Variants in MCU observed in about 807,000 individuals in gnomAD.
The protein encoded by MCU is calcium uniporter protein, mitochondrial.
Under a neutral mutation model 45.2 loss-of-function variants are expected in MCU, and 12 were observed. The observed-to-expected ratio is 0.27, with a 90% CI of 0.17 to 0.43. The LOEUF (loss-of-function observed/expected upper bound fraction) is 0.43, where lower values mean the gene tolerates loss of function less well. Among genes scored for constraint, MCU ranks in the 20% least tolerant of loss-of-function variants. MCU has a pLI of 1.00. For synonymous variants in MCU, 160 were observed against 165.1 expected (o/e 0.97, Z 0.24); for missense variants, 324 against 436.7 (o/e 0.74, Z 2.30).
At chr10:72,721,844 T>C (rs778291834) in intron 1 of MCU, among the ~76,000 whole-genome samples, 7 of 152,210 alleles carry the variant, frequency 4.6e-5, no homozygotes, top group East Asian at 1.9e-4. Context: ...ATATTTGCTG[T>C]TGAGACTTAA....
At chr10:72,752,770 G>A (rs568225043) in intron 1 of MCU, among the ~76,000 whole-genome samples, 1 of 152,172 alleles carries the variant, frequency 6.6e-6, no homozygotes. Context: ...AATGGCTGCT[G>A]TGTGACTGTA....
chr10:72,731,742 T>C (rs1205687260), intron 1 of MCU, among the ~76,000 whole-genome samples: 1 of 152,234 alleles, frequency 6.6e-6, no homozygotes, highest in Non-Finnish European at 1.5e-5. Context: ...TTTCTTTCAC[T>C]TTACGTAATG....
chr10:72,794,565 G>A (rs1220185930), intron 1 of MCU, among the ~76,000 whole-genome samples: 1 of 152,164 alleles, frequency 6.6e-6, no homozygotes, highest in African/African-American at 2.4e-5. Flanking sequence ...AAGTCCAAAA[G>A]CCTCCCTTCA....
intron 1 of MCU, among the ~76,000 whole-genome samples, chr10:72,799,062 G>T (rs912769073): frequency 2.6e-5 from 4 of 152,018 alleles, no homozygotes; most frequent in African/African-American, 9.7e-5. Context: ...GAGAAGCTGG[G>T]ACTATAGGCG....
At chr10:72,730,012 G>A (rs1843150724) in intron 1 of MCU, among the ~76,000 whole-genome samples, 2 of 142,720 alleles carry the variant, frequency 1.4e-5, no homozygotes, top group Non-Finnish European at 1.5e-5. Flanking sequence ...AGGCTGGAGT[G>A]CAGTGGCATG....
chr10:72,704,791 T>G (rs763981356), intron 1 of MCU, among the ~76,000 whole-genome samples: 1 of 144,190 alleles, frequency 6.9e-6, no homozygotes, highest in Non-Finnish European at 1.5e-5. Context: ...CTCGACTCAC[T>G]GCAACCTCCA....
At chr10:72,878,903 T>C (rs1249421041) in intron 6 of MCU, among the ~76,000 whole-genome samples, 1 of 152,192 alleles carries the variant, frequency 6.6e-6, no homozygotes, top group East Asian at 1.9e-4. Context: ...TGGCTGAGAA[T>C]TTTCCAAAAT....
At chr10:72,815,066 A>C (rs972584846) in intron 1 of MCU, among the ~76,000 whole-genome samples, 1 of 152,244 alleles carries the variant, frequency 6.6e-6, no homozygotes, top group Non-Finnish European at 1.5e-5. Flanking sequence ...TAAAAATTAT[A>C]GAGAAAATGA....
chr10:72,750,055 G>C (rs1376790492), intron 1 of MCU, among the ~76,000 whole-genome samples: 2 of 151,954 alleles, frequency 1.3e-5, no homozygotes, highest in Admixed American at 1.3e-4. Context: ...GAAGTGCTGG[G>C]ATTACAGGTG....
intron 1 of MCU, among the ~76,000 whole-genome samples, chr10:72,757,595 A>ATT (rs11414771): frequency 6.6e-5 from 10 of 151,568 alleles, no homozygotes; most frequent in Non-Finnish European, 1.3e-4. Context: ...GTTCATAATA[A>ATT]TTTTTTTTTA....
intron 1 of MCU, among the ~76,000 whole-genome samples, chr10:72,734,787 A>AT (rs1843229212): frequency 1.3e-5 from 2 of 152,056 alleles, no homozygotes; most frequent in African/African-American, 4.8e-5. Flanking sequence ...CTATTAAAAA[A>AT]ATTTTTTTTT....
intron 7 of MCU, 121 bp from the exon 8 acceptor site, chr10:72,885,622 TGA>T (rs113767451): frequency 3.9e-5 from 26 of 660,586 alleles, no homozygotes; most frequent in African/African-American, 1.8e-4. Context: ...ACTCTTATTT[TGA>T]GAGTTATTGA....
chr10:72,752,969 G>C (rs2894214), intron 1 of MCU, among the ~76,000 whole-genome samples: 1 of 152,096 alleles, frequency 6.6e-6, no homozygotes, highest in African/African-American at 2.4e-5. Flanking sequence ...CATCATAACA[G>C]TCTGCTGGTT....
chr10:72,768,260 A>C (rs980720742), intron 1 of MCU, among the ~76,000 whole-genome samples: 1 of 152,206 alleles, frequency 6.6e-6, no homozygotes, highest in African/African-American at 2.4e-5. Context: ...CTATGAAGTC[A>C]TTTTGGTATT....
At chr10:72,813,132 G>T (rs989090102) in intron 1 of MCU, among the ~76,000 whole-genome samples, 1 of 152,180 alleles carries the variant, frequency 6.6e-6, no homozygotes, top group Non-Finnish European at 1.5e-5. Context: ...CGTTCAAACA[G>T]ATTCCCCATA....
chr10:72,776,013 T>C (rs1337046457), intron 1 of MCU, among the ~76,000 whole-genome samples: 1 of 151,626 alleles, frequency 6.6e-6, no homozygotes, highest in Non-Finnish European at 1.5e-5. Context: ...AAAACAGTTT[T>C]AAAAAATAGT....
intron 6 of MCU, among the ~76,000 whole-genome samples, chr10:72,879,990 A>G (rs757282419): frequency 1.6e-4 from 25 of 152,108 alleles, no homozygotes; most frequent in Non-Finnish European, 1.2e-4. Context: ...GGAGGTTGCA[A>G]TGAACCGAGA....
intron 6 of MCU, among the ~76,000 whole-genome samples, chr10:72,879,265 AAAAAT>A (rs1845664267): frequency 6.6e-6 from 1 of 152,212 alleles, no homozygotes; most frequent in Admixed American, 6.5e-5. Flanking sequence ...TCTGTATCAA[AAAAAT>A]AAAATAAAAA....
At chr10:72,704,703 AATTT>A (rs1842797146) in intron 1 of MCU, among the ~76,000 whole-genome samples, 1 of 84,602 alleles carries the variant, frequency 1.2e-5, no homozygotes, top group Admixed American at 1.1e-4. Flanking sequence ...ATGCCTGGAT[AATTT>A]TTTTTTTTTT....
Sources: gnomAD v4.1 joint callset for allele counts (sites outside exome capture counted in the v4.1 genomes callset) on GRCh38, gnomAD v4.1.1 for gene constraint, MANE v1.5 for transcripts, NCBI Gene and HGNC (gene_info 2026-07-23, HGNC 2026-07-21) for gene names.